RIN3: variants seen among roughly 807,000 people sequenced by gnomAD.
RIN3 encodes RAB5 interacting protein 3.
RIN3 carries 54 observed loss-of-function variants against 76.3 expected under a neutral mutation model. The ratio of observed to expected loss-of-function variants is 0.71; its 90% CI spans 0.57 to 0.89. RIN3 has a LOEUF of 0.89. RIN3 is among the 40% of genes least tolerant of loss of function. The pLI is 0.00. For missense variants in RIN3, 1,256 were observed against 1,322.1 expected, an observed-to-expected ratio of 0.95 and a Z score of 0.78; for synonymous variants, 576 against 564.0, an observed-to-expected ratio of 1.02 and a Z score of -0.30.
intron 4 of RIN3, among the ~76,000 whole-genome samples, chr14:92,630,746 A>G (rs532961452): frequency 3.9e-5 from 6 of 152,308 alleles, no homozygotes; most frequent in South Asian, 4.1e-4. Context: ...GCATCACTGT[A>G]TTTTGAGGGA....
At position 92,652,372 on chromosome 14, in the gene RIN3, C is replaced by A. The variant is rs149604000; in HGVS notation, c.1323C>A (p.Ser441Arg). 1.2e-6 allele frequency: 2 copies of A among 1,608,358 alleles called. No homozygotes were observed. The highest frequency in any genetic ancestry group is 2.7e-5 in the African/African-American group (2 of 74,818). ...GCCAGGACACAGAGGTGAAAGCCAGCGATCCTCACAGCATGCCAGAGCTGC... is the reference window on the plus strand; with the variant it reads ...GCCAGGACACAGAGGTGAAAGCCAGAGATCCTCACAGCATGCCAGAGCTGC... ...EQGQDTEVKA[S>R]DPHSMPELPR... Residue 441 changes from serine to arginine, a missense_variant, in exon 6 of 10, where the codon AGC becomes AGA. Coordinates refer to ENST00000216487, the MANE Select transcript of RIN3 (RefSeq NM_024832.5). This position sits in a 1 kb window ranked among gnomAD's most constrained non-coding sequence, Gnocchi z 6.4.
chr14:92,526,417 C>G (rs990955605), intron 1 of RIN3, among the ~76,000 whole-genome samples: 7 of 151,502 alleles, frequency 4.6e-5, no homozygotes, highest in African/African-American at 1.7e-4. Flanking sequence ...TGAGATCACA[C>G]CACTGCACTC....
chr14:92,613,430 T>G (rs1275614547), intron 3 of RIN3, among the ~76,000 whole-genome samples: 1 of 152,240 alleles, frequency 6.6e-6, no homozygotes, highest in African/African-American at 2.4e-5. Flanking sequence ...TCTTTTAAAA[T>G]TTTGTCTCTA....
chr14:92,663,250 C>T lies in RIN3; in HGVS notation c.2335+3781C>T, dbSNP rs35062381. ...CGTCCTTGTGGTGAAAGTCAAACAC[C>T]GTGATTTTTGCTAACAATGAATTCG... On this transcript the variant is annotated intron_variant, in intron 7 of 9. Transcript: ENST00000216487. Among the ~76,000 whole-genome samples the T allele has an allele frequency of 6.7e-3, 1,016 of 152,288 alleles. 14 individuals are homozygous for T. The highest frequency in any genetic ancestry group is 0.043 in the South Asian group (209 of 4,824).
At position 92,615,398 on chromosome 14, in the gene RIN3, T is replaced by C; in HGVS notation, c.368-9T>C. 1 of 1,613,566 alleles carries C rather than the reference T, an allele frequency of 6.2e-7. No individual in the cohort carries two copies. The highest frequency in any genetic ancestry group is 8.5e-7 in the Non-Finnish European group (1 of 1,179,560). ...CACCTCACCCAGGGCCCTTCTTGTGTCTCCCCAGTATTGTACCTGGAAGGC... is the reference window on the plus strand; with the variant it reads ...CACCTCACCCAGGGCCCTTCTTGTGCCTCCCCAGTATTGTACCTGGAAGGC... On this transcript the variant is annotated splice_polypyrimidine_tract_variant and intron_variant, in intron 3 of 9. Coordinates refer to ENST00000216487, the MANE Select transcript of RIN3 (RefSeq NM_024832.5).
At chr14:92,533,375 G>A (rs774626895) in intron 1 of RIN3, among the ~76,000 whole-genome samples, 4 of 152,174 alleles carry the variant, frequency 2.6e-5, no homozygotes, top group Admixed American at 6.5e-5. Flanking sequence ...CTACCCAGAG[G>A]AAGAGAAGTC....
chr14:92,685,036 C>T lies in RIN3; in HGVS notation c.2517C>T (p.Ser839=), dbSNP rs550522290. 3 of 1,614,092 alleles carry T rather than the reference C, an allele frequency of 1.9e-6. No individual in the cohort carries two copies. The African/African-American group carries it at 4.0e-5, about 22-fold the overall frequency. Reference sequence around the variant, plus strand: ...ACGGGGCCCTGGAGCACATCAAGAGCTACGACAAGATCACGGTGACCCGGC... The same window carrying T: ...ACGGGGCCCTGGAGCACATCAAGAGTTACGACAAGATCACGGTGACCCGGC... ...TTYGALEHIK[S]YDKITVTRQL... is the part of the protein sequence containing the mutation. The change falls in exon 9 of 10, where the codon AGC becomes AGT. Residue 839 remains serine (S), a synonymous_variant. Coordinates refer to ENST00000216487, the MANE Select transcript of RIN3 (RefSeq NM_024832.5). The surrounding 1 kb of genome is among the most constrained non-coding windows in gnomAD (Gnocchi z 4.7).
chr14:92,590,305 T>C (rs1283863124), intron 3 of RIN3, among the ~76,000 whole-genome samples: 1 of 152,218 alleles, frequency 6.6e-6, no homozygotes, highest in Non-Finnish European at 1.5e-5. Flanking sequence ...CTGTCTCTGC[T>C]CAAATTGCAT....
intron 3 of RIN3, among the ~76,000 whole-genome samples, chr14:92,609,843 C>CTGTGTGTGTG (rs34350495): frequency 1.2e-4 from 16 of 138,414 alleles, no homozygotes; most frequent in African/African-American, 3.2e-4. Context: ...GAAATTCAGT[C>CTGTGTGTGTG]TGTGTGTGTG....
intron 4 of RIN3, among the ~76,000 whole-genome samples, chr14:92,624,141 C>G (rs1886273493): frequency 1.3e-5 from 2 of 152,152 alleles, no homozygotes; most frequent in South Asian, 4.2e-4. Context: ...GCATTTGTTT[C>G]TTTGTATCCT....
chr14:92,553,547 G>A (rs984061023), intron 1 of RIN3, among the ~76,000 whole-genome samples: 6 of 151,554 alleles, frequency 4.0e-5, no homozygotes, highest in South Asian at 2.1e-4. Context: ...ATCCTACCCC[G>A]CCCCCACCAG....
At chr14:92,646,365 C>A (rs1009505979) in intron 5 of RIN3, among the ~76,000 whole-genome samples, 2 of 152,244 alleles carry the variant, frequency 1.3e-5, no homozygotes, top group African/African-American at 4.8e-5. Flanking sequence ...ATGCCCTCCA[C>A]ATGCCCGCCA....
chr14:92,551,333 C>T (rs957213171), intron 1 of RIN3, among the ~76,000 whole-genome samples: 5 of 152,090 alleles, frequency 3.3e-5, no homozygotes, highest in Non-Finnish European at 7.3e-5. Context: ...GACATGCCAC[C>T]GTTTGTTTAT....
intron 1 of RIN3, among the ~76,000 whole-genome samples, chr14:92,543,339 A>G (rs1897168772): frequency 6.6e-6 from 1 of 152,226 alleles, no homozygotes; most frequent in African/African-American, 2.4e-5. Context: ...AACGGATTTC[A>G]TCTCAATAGA....
chr14:92,685,228 G>C lies in RIN3; in HGVS notation c.2631+78G>C. 1.4e-6 allele frequency: 2 copies of C among 1,442,528 alleles called. No homozygotes were observed. Among genetic ancestry groups the C allele is most frequent in the Non-Finnish European group, 1.9e-6 (2 of 1,073,960 alleles). 89.4% of individuals were successfully genotyped at this position (1,442,528 alleles called of 1,614,324 possible). On this transcript the variant is annotated intron_variant, in intron 9 of 9. Coordinates refer to ENST00000216487, the MANE Select transcript of RIN3 (RefSeq NM_024832.5). The surrounding 1 kb of genome is among the most constrained non-coding windows in gnomAD (Gnocchi z 4.7). ...CCTGCTGCCTGCTGGCTAAGGAGCC[G>C]TGACATCACCTGGCTGCTCCAGCCG...
intron 7 of RIN3, among the ~76,000 whole-genome samples, chr14:92,663,281 T>G (rs1887954821): frequency 6.6e-6 from 1 of 152,232 alleles, no homozygotes; most frequent in Non-Finnish European, 1.5e-5. Flanking sequence ...ATTCGCTTCC[T>G]AAAAACTTAC....
At chr14:92,584,862 C>T (rs1884710268) in intron 3 of RIN3, among the ~76,000 whole-genome samples, 1 of 152,186 alleles carries the variant, frequency 6.6e-6, no homozygotes, top group Non-Finnish European at 1.5e-5. Flanking sequence ...GGCCACTTGG[C>T]CCCATCTCCA....
intron 1 of RIN3, among the ~76,000 whole-genome samples, chr14:92,553,710 G>T (rs1897500348): frequency 1.3e-5 from 2 of 152,104 alleles, no homozygotes; most frequent in Admixed American, 1.3e-4. Flanking sequence ...CCCCCCGGAG[G>T]ATGTGGGAGG....
chr14:92,676,433 G>A (rs983726189), intron 7 of RIN3, 42 bp from the exon 8 acceptor site: 8 of 1,602,736 alleles, frequency 5.0e-6, no homozygotes, highest in Non-Finnish European at 6.8e-6. Context: ...CTCACAAGGA[G>A]AGCCTGGAAC....
Sources: allele counts gnomAD v4.1 joint callset (sites outside exome capture counted in the v4.1 genomes callset), GRCh38; gene constraint gnomAD v4.1.1; non-coding constraint Gnocchi (gnomAD v3.1); transcripts MANE v1.5; gene names NCBI Gene and HGNC (gene_info 2026-07-23, HGNC 2026-07-21).